The following SPEF2 variants were observed in gnomAD, a reference collection of about 807,000 sequenced individuals.
SPEF2 encodes the protein sperm flagella and cilia-associated protein 2.
In SPEF2, 187 loss-of-function variants were observed where a neutral mutation model predicts 224.6. That is an observed-to-expected ratio of 0.83 (90% confidence interval 0.74 to 0.94). The LOEUF is 0.94. Among genes scored for constraint, SPEF2 ranks in the 40% least tolerant of loss-of-function variants. The pLI is 0.00. For synonymous variants in SPEF2, 715 were observed against 707.3 expected (o/e 1.01, Z -0.17); for missense variants, 2,170 against 2,135.6 (o/e 1.02, Z -0.32).
chr5:35,709,707 A>G (rs1005865785), intron 19 of SPEF2: 19 of 985,410 alleles, frequency 1.9e-5, no homozygotes, highest in Non-Finnish European at 2.3e-5. Context: ...TTTGTTCTAG[A>G]TCCTTAACCG....
chr5:35,670,799 T>C, intron 10 of SPEF2: 3 of 977,502 alleles, frequency 3.1e-6, no homozygotes, highest in Non-Finnish European at 3.6e-6. Flanking sequence ...CTACTAACTG[T>C]GTGACCTTAG....
chr5:35,706,715 T>A (rs10070515), intron 18 of SPEF2, among the ~76,000 whole-genome samples: 81,487 of 151,908 alleles, frequency 0.54, 22,279 homozygotes, highest in African/African-American at 0.56. Context: ...ACATTAAAAT[T>A]GCCCATAGAC....
chr5:35,705,382 A>G (rs1235516887), intron 17 of SPEF2, among the ~76,000 whole-genome samples: 1 of 152,058 alleles, frequency 6.6e-6, no homozygotes, highest in Non-Finnish European at 1.5e-5. Context: ...ATGTTTTCTT[A>G]GATTTTCACT....
intron 10 of SPEF2, among the ~76,000 whole-genome samples, chr5:35,673,034 G>A (rs1417279324): frequency 6.6e-6 from 1 of 152,082 alleles, no homozygotes; most frequent in Non-Finnish European, 1.5e-5. Flanking sequence ...TGAATGTGAG[G>A]GAGCTCTACC....
intron 24 of SPEF2, among the ~76,000 whole-genome samples, chr5:35,757,086 T>C (rs975594226): frequency 6.6e-6 from 1 of 152,012 alleles, no homozygotes; most frequent in African/African-American, 2.4e-5. Flanking sequence ...CTATTAAAAA[T>C]ATTGTTTACT....
At chr5:35,702,935 G>A (rs1399870717) in intron 16 of SPEF2, among the ~76,000 whole-genome samples, 1 of 151,992 alleles carries the variant, frequency 6.6e-6, no homozygotes, top group Non-Finnish European at 1.5e-5. Context: ...TTGGTGACTG[G>A]TATGCGAGCC....
chr5:35,639,702 C>A (rs986987665), intron 2 of SPEF2, among the ~76,000 whole-genome samples: 1 of 150,684 alleles, frequency 6.6e-6, no homozygotes, highest in East Asian at 2.0e-4. Context: ...GACAATTTCT[C>A]GGAGGGCAGC....
At chr5:35,789,107 T>C (rs1580742201) in intron 30 of SPEF2, 2 of 695,418 alleles carry the variant, frequency 2.9e-6, no homozygotes, top group Admixed American at 2.0e-5. Context: ...CTCCTTGGAA[T>C]AATAATTTTG....
chr5:35,710,299 T>G (rs1289163889), intron 19 of SPEF2: 2 of 964,080 alleles, frequency 2.1e-6, no homozygotes, highest in East Asian at 2.3e-4. Flanking sequence ...GGCTCATCCC[T>G]GTAATCCCAG....
intron 30 of SPEF2, chr5:35,789,609 A>G: frequency 1.6e-6 from 1 of 636,420 alleles, no homozygotes; most frequent in Non-Finnish European, 2.8e-6. Context: ...ACATCTTATC[A>G]AGAGACTTCA....
intron 10 of SPEF2, among the ~76,000 whole-genome samples, chr5:35,681,734 G>C (rs983605994): frequency 6.6e-6 from 1 of 152,134 alleles, no homozygotes; most frequent in Non-Finnish European, 1.5e-5. Context: ...GTACAGAAAT[G>C]CTAGGTCACA....
At chr5:35,644,684 C>T (rs1425058652) in intron 4 of SPEF2, among the ~76,000 whole-genome samples, 159 bp downstream of exon 4, 1 of 149,580 alleles carries the variant, frequency 6.7e-6, no homozygotes, top group Non-Finnish European at 1.5e-5. Flanking sequence ...CTCTCTCTCC[C>T]CTGCTCCTTT....
At chr5:35,664,314 A>C (rs1750142918) in intron 8 of SPEF2, among the ~76,000 whole-genome samples, 1 of 151,634 alleles carries the variant, frequency 6.6e-6, no homozygotes, top group East Asian at 1.9e-4. Flanking sequence ...GAAGGAAGGA[A>C]GGAAAAAGAA....
At chr5:35,671,265 A>G in intron 10 of SPEF2, 1 of 977,458 alleles carries the variant, frequency 1.0e-6, no homozygotes, top group African/African-American at 1.7e-5. Flanking sequence ...AATAACACTA[A>G]CAAGTAAATA....
intron 1 of SPEF2, among the ~76,000 whole-genome samples, chr5:35,627,950 C>T (rs563312077): frequency 5.9e-5 from 9 of 152,128 alleles, no homozygotes; most frequent in Admixed American, 4.6e-4. Flanking sequence ...AGGAGAAGTT[C>T]GATTATGTTC....
rs1315849784 is a variant in SPEF2, at chr5:35,793,359, A to G, written c.4737+18A>G. 1 of 1,605,182 alleles carries G rather than the reference A, an allele frequency of 6.2e-7. No homozygotes were observed. Among genetic ancestry groups the G allele is most frequent in the South Asian group, 1.1e-5 (1 of 89,468 alleles). On this transcript the variant is annotated intron_variant, in intron 32 of 36. Coordinates refer to ENST00000356031, the MANE Select transcript of SPEF2 (RefSeq NM_024867.4). ...ATATGCAGGTTGTTACCAGCACCTG[A>G]TGGCATTGATAACACCAGAACACTT...
intron 2 of SPEF2, among the ~76,000 whole-genome samples, chr5:35,635,843 CTT>C (rs1213170813): frequency 6.6e-6 from 1 of 151,548 alleles, no homozygotes; most frequent in East Asian, 1.9e-4. Context: ...GTGTGCTGCA[CTT>C]TTTTTTTCTA....
chr5:35,637,717 A>C (rs1746037363), intron 2 of SPEF2, among the ~76,000 whole-genome samples: 1 of 152,008 alleles, frequency 6.6e-6, no homozygotes, highest in African/African-American at 2.4e-5. Context: ...TCTCTTCCTC[A>C]AGTACATGGC....
intron 10 of SPEF2, chr5:35,670,720 A>T (rs1366180600): frequency 1.1e-4 from 113 of 985,642 alleles, no homozygotes; most frequent in Non-Finnish European, 1.2e-4. Flanking sequence ...GCCAACTGTG[A>T]TTTTTAGAAG....
Sources: gnomAD v4.1 joint callset for allele counts (sites outside exome capture counted in the v4.1 genomes callset) on GRCh38, gnomAD v4.1.1 for gene constraint, MANE v1.5 for transcripts, NCBI Gene and HGNC (gene_info 2026-07-23, HGNC 2026-07-21) for gene names.